Variants in SGF29 observed in about 807,000 individuals in gnomAD.
SGF29 encodes the protein SAGA-associated factor 29.
In SGF29, 15 loss-of-function variants were observed where a neutral mutation model predicts 38.1. The ratio of observed to expected loss-of-function variants is 0.39; its 90% CI spans 0.26 to 0.61. The LOEUF is 0.61. Among genes scored for constraint, SGF29 ranks in the 20% least tolerant of loss-of-function variants. The pLI, the probability that SGF29 is intolerant of heterozygous loss-of-function variation, is 0.49. For missense variants in SGF29, 184 were observed against 394.6 expected (o/e 0.47, Z 4.52); for synonymous variants, 151 against 160.8 (o/e 0.94, Z 0.46).
At chr16:28,584,652 G>T (rs918546057) in intron 2 of SGF29, among the ~76,000 whole-genome samples, 1 of 152,140 alleles carries the variant, frequency 6.6e-6, no homozygotes, top group Admixed American at 6.5e-5. Context: ...AACCAGGCGT[G>T]GTGGCGGGCG....
rs754359315 is a variant in SGF29, at chr16:28,585,655, C to T, written c.159C>T (p.Pro53=). Residue 53 remains proline (P), a synonymous_variant, in exon 4 of 10, where the codon CCC becomes CCT. Transcript: ENST00000317058. ...ERMQTENKIS[P]YYRTKLRGLY... ...CCTGTGTTTCCTCTGCAGTTTCTCC[C>T]TATTACCGGACAAAGCTGCGTGGCC... 1.2e-6 allele frequency: 2 copies of T among 1,614,160 alleles called. No individual in the cohort carries two copies. Among genetic ancestry groups the T allele is most frequent in the South Asian group, 2.2e-5 (2 of 91,084 alleles).
At chr16:28,572,537 G>C (rs949162896) in intron 1 of SGF29, among the ~76,000 whole-genome samples, 2 of 152,124 alleles carry the variant, frequency 1.3e-5, no homozygotes, top group Non-Finnish European at 2.9e-5. Context: ...CCAAAGTGCT[G>C]GTATTACAGG....
chr16:28,578,181 G>A (rs994919501), intron 1 of SGF29, among the ~76,000 whole-genome samples: 4 of 151,260 alleles, frequency 2.6e-5, no homozygotes, highest in Non-Finnish European at 5.9e-5. Context: ...TATTGATCTC[G>A]TATCCTGCAA....
At chr16:28,584,788 CAAAAAAAA>C (rs377573618) in intron 2 of SGF29, 117 bp from the exon 3 acceptor site, 12 of 418,034 alleles carry the variant, frequency 2.9e-5, no homozygotes, top group South Asian at 1.1e-4. Flanking sequence ...GACTCCATCT[CAAAAAAAA>C]AAAAAAAAAA....
chr16:28,555,024 C>T (rs924063520), intron 1 of SGF29, among the ~76,000 whole-genome samples: 1 of 152,222 alleles, frequency 6.6e-6, no homozygotes, highest in African/African-American at 2.4e-5. Context: ...GAGACACGTT[C>T]TCTGTTGCTC....
intron 1 of SGF29, among the ~76,000 whole-genome samples, chr16:28,555,621 A>AG (rs2046745852): frequency 6.6e-6 from 1 of 152,234 alleles, no homozygotes; most frequent in African/African-American, 2.4e-5. Context: ...GAGGCTGAGA[A>AG]GTCCCGAGAT....
intron 2 of SGF29, among the ~76,000 whole-genome samples, chr16:28,582,847 A>T (rs559351383): frequency 6.6e-6 from 1 of 152,316 alleles, no homozygotes; most frequent in South Asian, 2.1e-4. Flanking sequence ...AGGCAGGAGA[A>T]TCGCTTGAAC....
At position 28,591,737 on chromosome 16, in the gene SGF29, G is replaced by A. The variant is rs757667567; in HGVS notation, c.*31G>A. 25 of 1,532,708 alleles carry A rather than the reference G, an allele frequency of 1.6e-5. No homozygotes were observed. The East Asian group carries it at 3.1e-4, about 19-fold the overall frequency. The allele number at this position is 1,532,708 out of a possible 1,614,324, so 94.9% of individuals were successfully genotyped here. A position where few individuals can be genotyped will look rare whatever the true frequency, so the allele number is the denominator to read the frequency against. ...CCTGGCAGACTCGCCATCCCCCAAC[G>A]ACACAGGGCAGGACAGCAGAGGACG... is the stretch of plus-strand genomic sequence containing the variant. On this transcript the variant is annotated 3_prime_UTR_variant, in exon 10 of 10. Transcript: ENST00000317058.
At chr16:28,568,467 A>C (rs150659124) in intron 1 of SGF29, among the ~76,000 whole-genome samples, 74 of 152,194 alleles carry the variant, frequency 4.9e-4, no homozygotes, top group African/African-American at 1.7e-3. Flanking sequence ...GCTACTTTGC[A>C]TGAGTTAGTT....
intron 1 of SGF29, among the ~76,000 whole-genome samples, chr16:28,556,663 A>G (rs953919440): frequency 6.6e-6 from 1 of 150,440 alleles, no homozygotes; most frequent in Non-Finnish European, 1.5e-5. Flanking sequence ...TGTTTTTTTT[A>G]GAAACAAGGT....
chr16:28,568,488 A>G (rs2046846554), intron 1 of SGF29, among the ~76,000 whole-genome samples: 1 of 151,614 alleles, frequency 6.6e-6, no homozygotes. Context: ...TAGAGCTCAC[A>G]TAGCAAGTGG....
chr16:28,564,728 CATAT>C (rs1463519588), intron 1 of SGF29, among the ~76,000 whole-genome samples: 3 of 70,238 alleles, frequency 4.3e-5, no homozygotes, highest in Admixed American at 3.9e-4. Flanking sequence ...TATATATATA[CATAT>C]ATATGTATAT....
chr16:28,564,755 G>GTATA (rs1567286164), intron 1 of SGF29, among the ~76,000 whole-genome samples: 1 of 86,782 alleles, frequency 1.2e-5, no homozygotes, highest in Admixed American at 1.5e-4. Context: ...GTATATATAT[G>GTATA]TATATATGTA....
intron 1 of SGF29, among the ~76,000 whole-genome samples, chr16:28,560,976 A>G (rs958022225): frequency 3.4e-5 from 5 of 145,838 alleles, no homozygotes; most frequent in South Asian, 2.1e-4. Context: ...AAAAAAAAAA[A>G]GGCAATCAAC....
At chr16:28,564,418 G>A (rs1248623877) in intron 1 of SGF29, among the ~76,000 whole-genome samples, 1 of 150,444 alleles carries the variant, frequency 6.6e-6, no homozygotes, top group Non-Finnish European at 1.5e-5. Context: ...AGAGAAGGAG[G>A]CGGCAACAAA....
chr16:28,572,940 C>T (rs2046873423), intron 1 of SGF29, among the ~76,000 whole-genome samples: 2 of 152,076 alleles, frequency 1.3e-5, no homozygotes, highest in South Asian at 2.1e-4. Flanking sequence ...TCAGCACCCC[C>T]CATACCCCTT....
chr16:28,571,628 A>G (rs949992805), intron 1 of SGF29, among the ~76,000 whole-genome samples: 9 of 150,158 alleles, frequency 6.0e-5, no homozygotes. Context: ...ATCTTTGGGA[A>G]GCCCTCTGGG....
intron 3 of SGF29, chr16:28,585,375 T>C (rs566928113): frequency 2.4e-4 from 133 of 558,416 alleles, no homozygotes; most frequent in Middle Eastern, 1.4e-3. Context: ...TGTGTTTTCC[T>C]GGGTCCTGAC....
intron 1 of SGF29, among the ~76,000 whole-genome samples, chr16:28,558,272 ATT>A (rs1186161802): frequency 3.7e-5 from 5 of 135,648 alleles, no homozygotes; most frequent in Admixed American, 7.4e-5. Flanking sequence ...TGCCCAGCTA[ATT>A]TTTTTTTTTT....
Sources: allele counts gnomAD v4.1 joint callset (sites outside exome capture counted in the v4.1 genomes callset), GRCh38; gene constraint gnomAD v4.1.1; transcripts MANE v1.5; gene names NCBI Gene and HGNC (gene_info 2026-07-23, HGNC 2026-07-21).